SLC5A10: variants seen among roughly 807,000 people sequenced by gnomAD.
SLC5A10 encodes the protein solute carrier family 5 member 10, also known as sodium/mannose cotransporter SLC5A10.
A neutral mutation model predicts 68.9 loss-of-function variants in SLC5A10; 55 were observed. That is an observed-to-expected ratio of 0.80 (90% CI 0.64 to 1.00). The LOEUF (loss-of-function observed/expected upper bound fraction) is 1.00. Among genes scored for constraint, SLC5A10 ranks in the 50% least tolerant of loss-of-function variants. SLC5A10 has a pLI of 0.00. For missense variants in SLC5A10, 732 were observed against 819.3 expected (o/e 0.89, Z 1.30); for synonymous variants, 344 against 344.8 (o/e 1.00, Z 0.02).
chr17:18,958,879 G>T, intron 2 of SLC5A10, 126 bp downstream of exon 2: 1 of 1,140,730 alleles, frequency 8.8e-7, no homozygotes, highest in Non-Finnish European at 1.3e-6. Context: ...AGGCTGGCAG[G>T]AGGTCCCCAA....
rs1385165586 is a variant in SLC5A10, at chr17:19,015,046, C to G, written c.1091-3C>G. On this transcript the variant is annotated splice_region_variant and splice_polypyrimidine_tract_variant and intron_variant, in intron 10 of 14. Transcript: ENST00000395645. ...GGGTCACACATCCCCCGTCCCACCCCAGGTCTGCGGGGGCTGATGATCGCA... is the reference window on the plus strand; with the variant it reads ...GGGTCACACATCCCCCGTCCCACCCGAGGTCTGCGGGGGCTGATGATCGCA... 6.2e-7 allele frequency: 1 copy of G among 1,612,810 alleles called. No homozygotes were observed. Among genetic ancestry groups the G allele is most frequent in the Non-Finnish European group, 8.5e-7 (1 of 1,179,038 alleles).
At chr17:18,982,903 G>A (rs2043174671) in intron 9 of SLC5A10, among the ~76,000 whole-genome samples, 1 of 152,182 alleles carries the variant, frequency 6.6e-6, no homozygotes. Context: ...TCTATGAAAG[G>A]GTCTACTCAT....
chr17:19,021,719 G>A lies in SLC5A10; in HGVS notation c.*1288G>A. On this transcript the variant is annotated 3_prime_UTR_variant, in exon 15 of 15. Coordinates refer to ENST00000395645, the MANE Select transcript of SLC5A10 (RefSeq NM_001042450.4). The surrounding 1 kb of genome is among the most constrained non-coding windows in gnomAD (Gnocchi z 4.1). Reference sequence around the variant, plus strand: ...TCCGCCCTGTGGTGTCACACAGCTGGCAGCCAATGGAAAGCAACCAGCCAG... The same window carrying A: ...TCCGCCCTGTGGTGTCACACAGCTGACAGCCAATGGAAAGCAACCAGCCAG... 2 of 405,852 alleles carry A rather than the reference G, an allele frequency of 4.9e-6. No individual in the cohort carries two copies. Among genetic ancestry groups the A allele is most frequent in the Non-Finnish European group, 8.7e-6 (2 of 231,090 alleles). The allele number at this position is 405,852 out of a possible 1,614,324, so 25.1% of individuals were successfully genotyped here.
At chr17:18,984,332 CAAAAAAAA>C (rs1176935676) in intron 9 of SLC5A10, among the ~76,000 whole-genome samples, 2 of 68,004 alleles carry the variant, frequency 2.9e-5, no homozygotes, top group African/African-American at 5.5e-5. Flanking sequence ...GACTCCCTCT[CAAAAAAAA>C]AAAAAAAAAA....
chr17:19,010,315 G>T (rs946748896), intron 9 of SLC5A10, among the ~76,000 whole-genome samples: 2 of 152,164 alleles, frequency 1.3e-5, no homozygotes, highest in South Asian at 4.1e-4. Flanking sequence ...CTGGCTTCTG[G>T]TGTGGGCCTT....
At chr17:19,002,321 C>T (rs1344485475) in intron 9 of SLC5A10, among the ~76,000 whole-genome samples, 1 of 152,160 alleles carries the variant, frequency 6.6e-6, no homozygotes, top group Non-Finnish European at 1.5e-5. Flanking sequence ...CTAGCTGACC[C>T]AACTGGTCCC....
At chr17:18,976,663 G>T in intron 8 of SLC5A10, 191 bp from the exon 9 acceptor site, 1 of 669,804 alleles carries the variant, frequency 1.5e-6, no homozygotes, top group Non-Finnish European at 2.4e-6. Context: ...TCGCTGCTTG[G>T]CCTGCTGAAG....
chr17:18,971,026 C>T lies in SLC5A10; in HGVS notation c.654C>T (p.Ile218=), dbSNP rs745783630. 61 of 1,613,806 alleles carry T rather than the reference C, an allele frequency of 3.8e-5. No homozygotes were observed. The highest frequency in any genetic ancestry group is 3.3e-4 in the Middle Eastern group (2 of 6,084). ...VILTIKAFDQ[I]GGYGQLEAAY... ...TGACCCCTCCAGCTTTTGACCAGAT[C>T]GGTGGTTACGGGCAGCTGGAGGCAG... The change falls in exon 8 of 15, where the codon ATC becomes ATT. Residue 218 remains isoleucine (I), a synonymous_variant. Transcript: ENST00000395645. This position sits in a 1 kb window ranked among gnomAD's most constrained non-coding sequence, Gnocchi z 5.5.
intron 13 of SLC5A10, 54 bp from the exon 14 acceptor site, chr17:19,020,101 A>ACGC: frequency 3.3e-6 from 4 of 1,227,272 alleles, no homozygotes; most frequent in Non-Finnish European, 4.7e-6. Context: ...TGTCTGGGTC[A>ACGC]CCCCCACCCT....
At chr17:18,969,725 G>C (rs1272634325) in intron 7 of SLC5A10, 6 of 351,376 alleles carry the variant, frequency 1.7e-5, no homozygotes, top group Admixed American at 9.0e-5. Flanking sequence ...GCTTGATGGT[G>C]AGGTGGGGCT....
intron 1 of SLC5A10, among the ~76,000 whole-genome samples, chr17:18,955,247 C>T (rs2042474983): frequency 6.6e-6 from 1 of 152,134 alleles, no homozygotes; most frequent in African/African-American, 2.4e-5. Flanking sequence ...GTAGCTCTGT[C>T]CTAAGCCCAG....
intron 1 of SLC5A10, among the ~76,000 whole-genome samples, chr17:18,957,606 C>T (rs556057564): frequency 8.3e-4 from 126 of 152,280 alleles, no homozygotes; most frequent in South Asian, 2.3e-3. Flanking sequence ...GCTGGGACTA[C>T]AGGCGCCTGC....
At position 19,003,436 on chromosome 17, in the gene SLC5A10, G is replaced by A; in HGVS notation, c.983-9974G>A. The stretch of plus-strand genomic sequence containing the variant: ...CCCTAGAAGCCCATGTTGGGCTCCC[G>A]TTTTGGGCTCTGAGTGAGCCTGTAT... On this transcript the variant is annotated intron_variant, in intron 9 of 14. Coordinates refer to ENST00000395645, the MANE Select transcript of SLC5A10 (RefSeq NM_001042450.4). The surrounding 1 kb of genome is among the most constrained non-coding windows in gnomAD (Gnocchi z 4.5). The A allele has an allele frequency of 7.1e-7, 1 of 1,404,046 alleles. No individual in the cohort carries two copies. Among genetic ancestry groups the A allele is most frequent in the Non-Finnish European group, 9.4e-7 (1 of 1,067,602 alleles). The allele number at this position is 1,404,046 out of a possible 1,614,324, so 87.0% of individuals were successfully genotyped here.
chr17:18,969,066 G>C lies in SLC5A10; in HGVS notation c.468G>C (p.Ala156=). ...TCCCTCCGCAGCTGGACCTGTACGC[G>C]GGGGCTCTGTTTGTGCACATCTGCC... is the stretch of plus-strand genomic sequence containing the variant. The part of the protein sequence containing the change: ...VFTKISLDLY[A]GALFVHICLG... Residue 156 remains alanine, a synonymous_variant, in exon 6 of 15, where the codon GCG becomes GCC. Coordinates refer to ENST00000395645, the MANE Select transcript of SLC5A10 (RefSeq NM_001042450.4). 3 of 1,613,630 alleles carry C rather than the reference G, an allele frequency of 1.9e-6. No homozygotes were observed. The highest frequency in any genetic ancestry group is 2.5e-6 in the Non-Finnish European group (3 of 1,179,822).
At chr17:18,988,276 G>A (rs760541119) in intron 9 of SLC5A10, 37 of 1,613,340 alleles carry the variant, frequency 2.3e-5, no homozygotes, top group Middle Eastern at 1.6e-4. Context: ...ATGCAGGCCC[G>A]CTCACACATG....
intron 5 of SLC5A10, among the ~76,000 whole-genome samples, chr17:18,962,532 C>T (rs925766602): frequency 6.6e-6 from 1 of 152,110 alleles, no homozygotes; most frequent in Non-Finnish European, 1.5e-5. Flanking sequence ...CCGTGTGCCA[C>T]ATTTGCCTCT....
At chr17:18,963,052 T>C (rs1345690329) in intron 5 of SLC5A10, among the ~76,000 whole-genome samples, 1 of 152,170 alleles carries the variant, frequency 6.6e-6, no homozygotes, top group Non-Finnish European at 1.5e-5. Context: ...ACTCCATCTC[T>C]ACTAAAATAC....
intron 7 of SLC5A10, chr17:18,970,448 C>A (rs2152000910): frequency 6.4e-6 from 1 of 157,294 alleles, no homozygotes; most frequent in South Asian, 1.9e-4. Context: ...AGGAAAAAGC[C>A]CCGGCTTGAG....
chr17:18,959,713 G>A (rs370211770), intron 4 of SLC5A10, 50 bp downstream of exon 4: 11 of 1,578,088 alleles, frequency 7.0e-6, no homozygotes, highest in African/African-American at 1.3e-5. Flanking sequence ...CTTGGTCCAA[G>A]TTGGTGGTAG....
Sources: allele counts gnomAD v4.1 joint callset (sites outside exome capture counted in the v4.1 genomes callset), GRCh38; gene constraint gnomAD v4.1.1; non-coding constraint Gnocchi (gnomAD v3.1); transcripts MANE v1.5; gene names NCBI Gene and HGNC (gene_info 2026-07-23, HGNC 2026-07-21).